Variants in ADAMTS3 observed in about 807,000 individuals in gnomAD.
ADAMTS3 encodes the protein ADAM metallopeptidase with thrombospondin type 1 motif 3, also known as A disintegrin and metalloproteinase with thrombospondin motifs 3.
Under a neutral mutation model 129.0 loss-of-function variants are expected in ADAMTS3, and 73 were observed. That is an observed-to-expected ratio of 0.57 (90% CI 0.47 to 0.69). ADAMTS3 has a LOEUF of 0.69. ADAMTS3 is among the 30% of genes least tolerant of loss of function. The pLI is 0.00. For synonymous variants in ADAMTS3, 477 were observed against 510.8 expected (o/e 0.93, Z 0.89); for missense variants, 1,457 against 1,514.5 (o/e 0.96, Z 0.63).
chr4:72,306,009 G>A lies in ADAMTS3; in HGVS notation c.2238C>T (p.Asp746=), dbSNP rs751743530. ...TACCAAGAATATGAGGAGAAGCCTCGTCTTCTTGGATTAACACATGTCTAG... is the reference window on the plus strand; with the variant it reads ...TACCAAGAATATGAGGAGAAGCCTCATCTTCTTGGATTAACACATGTCTAG... ...PGARHVLIQE[D]EASPHILAIK... The change falls in exon 16 of 22, where the codon GAC becomes GAT. Residue 746 remains aspartate (D), a synonymous_variant. Coordinates refer to ENST00000286657, the MANE Select transcript of ADAMTS3 (RefSeq NM_014243.3). 14 of 1,611,482 alleles carry A rather than the reference G, an allele frequency of 8.7e-6. No individual in the cohort carries two copies. Among genetic ancestry groups the A allele is most frequent in the East Asian group, 4.5e-5 (2 of 44,766 alleles).
chr4:72,544,726 C>T (rs534786418), intron 3 of ADAMTS3, among the ~76,000 whole-genome samples: 1 of 152,268 alleles, frequency 6.6e-6, no homozygotes, highest in African/African-American at 2.4e-5. Flanking sequence ...TCTTCAAAAA[C>T]TTACACTAGT....
chr4:72,510,702 G>A (rs936207491), intron 3 of ADAMTS3, among the ~76,000 whole-genome samples: 4 of 150,998 alleles, frequency 2.6e-5, no homozygotes, highest in African/African-American at 9.7e-5. Flanking sequence ...CAATCTATAG[G>A]TTCAATGTAA....
chr4:72,451,322 A>G (rs190719361), intron 3 of ADAMTS3, among the ~76,000 whole-genome samples: 1 of 151,910 alleles, frequency 6.6e-6, no homozygotes, highest in African/African-American at 2.4e-5. Flanking sequence ...CAGGGGAAAA[A>G]AAGTTGATAA....
rs145483827 is a variant in ADAMTS3, at chr4:72,345,899, AT to A, written c.662-6207del. Reference sequence around the variant, plus strand: ...CTCTGACTGGCAGTAAAAAACTTCTATGTCAGCGAGAATGTTTCTAACTGCA... The same window carrying A: ...CTCTGACTGGCAGTAAAAAACTTCTAGTCAGCGAGAATGTTTCTAACTGCA... On this transcript the variant is annotated intron_variant, in intron 4 of 21. Coordinates refer to ENST00000286657, the MANE Select transcript of ADAMTS3 (RefSeq NM_014243.3). 5.5e-3 allele frequency among the ~76,000 whole-genome samples: 841 copies of A among 152,240 alleles called. 8 individuals are homozygous for A. The highest frequency in any genetic ancestry group is 0.019 in the African/African-American group (800 of 41,570).
chr4:72,330,622 G>A (rs1578588078), intron 5 of ADAMTS3: 1 of 152,182 alleles, frequency 6.6e-6, no homozygotes, highest in Non-Finnish European at 1.5e-5. Context: ...CATGCAGACT[G>A]TTGCAATAAC....
chr4:72,402,895 G>A (rs11931720), intron 4 of ADAMTS3, among the ~76,000 whole-genome samples: 148,253 of 152,184 alleles, frequency 0.97, 72,355 homozygotes, highest in South Asian at 1. Context: ...GTGTTCTTAC[G>A]TTAATCAAAA....
At position 72,283,638 on chromosome 4, in the gene ADAMTS3, A is replaced by G. The variant is rs1310866518; in HGVS notation, c.3116T>C (p.Ile1039Thr). Residue 1039 changes from isoleucine to threonine, a missense_variant, in exon 22 of 22, where the codon ATA (isoleucine) becomes ACA (threonine). Transcript: ENST00000286657. ...ACAACATAACTTGTTATAACCTGGT[A>G]TGGAGCAGTATCGTGCCAACACTTC... ...QMEVLARYCS[I>T]PGYNKLCCES... is the part of the protein sequence containing the mutation. 1 of 1,613,820 alleles carries G rather than the reference A, an allele frequency of 6.2e-7. No individual in the cohort carries two copies.
chr4:72,413,966 C>A lies in ADAMTS3; in HGVS notation c.661+849G>T, dbSNP rs112161615. On this transcript the variant is annotated intron_variant, in intron 4 of 21. Transcript: ENST00000286657. ...GGGGAAGTTAGTAGCATCTGAAAAT[C>A]AAACTAATGACTAGGTAGCAAGTCT... Among the ~76,000 whole-genome samples the A allele has an allele frequency of 5.9e-3, 894 of 151,916 alleles. 15 individuals are homozygous for A. The highest frequency in any genetic ancestry group is 0.021 in the African/African-American group (856 of 41,516).
chr4:72,474,094 C>T (rs566909696), intron 3 of ADAMTS3, among the ~76,000 whole-genome samples: 3 of 152,194 alleles, frequency 2.0e-5, no homozygotes, highest in African/African-American at 7.2e-5. Context: ...CAGAAAAGGC[C>T]AGTTAAAACA....
intron 19 of ADAMTS3, 45 bp from the exon 20 acceptor site, chr4:72,291,107 T>G: frequency 1.9e-6 from 3 of 1,596,824 alleles, no homozygotes; most frequent in Non-Finnish European, 2.6e-6. Context: ...CTGGTATGTA[T>G]AGTGTACACA....
In ADAMTS3 at chr4:72,495,519, A is replaced by T. The variant is rs141346761; in HGVS notation, c.504+52959T>A. Among the ~76,000 whole-genome samples the T allele has an allele frequency of 1.9e-3, 289 of 152,308 alleles. 2 individuals are homozygous for T. Among genetic ancestry groups the T allele is most frequent in the African/African-American group, 6.7e-3 (278 of 41,578 alleles). On this transcript the variant is annotated intron_variant, in intron 3 of 21. Transcript: ENST00000286657. ...TCTGGAAGGAATGCAGGAGACACTGACTACCTTTTTACAAAGAAAAAAAGA... is the reference window on the plus strand; with the variant it reads ...TCTGGAAGGAATGCAGGAGACACTGTCTACCTTTTTACAAAGAAAAAAAGA...
rs751923787 is a variant in ADAMTS3 at position 72,548,682 on chromosome 4, T to G, written c.300A>C (p.Gln100His). The G allele has an allele frequency of 6.2e-7, 1 of 1,614,044 alleles. No individual in the cohort carries two copies. Among genetic ancestry groups the G allele is most frequent in the Admixed American group, 1.7e-5 (1 of 59,990 alleles). Residue 100 changes from glutamine to histidine, a missense_variant, in exon 3 of 22, where the codon CAA (glutamine) becomes CAC (histidine). By Grantham distance (24) the Gln-to-His change is conservative. Transcript: ENST00000286657. ...DFHLRLKPNT[Q>H]LVAPGAVVEW... Reference sequence around the variant, plus strand: ...CCACAACAGCCCCAGGAGCTACTAGTTGAGTGTTGGGCTTTAGTCGCAGAT... The same window carrying G: ...CCACAACAGCCCCAGGAGCTACTAGGTGAGTGTTGGGCTTTAGTCGCAGAT...
intron 3 of ADAMTS3, among the ~76,000 whole-genome samples, chr4:72,415,187 A>C (rs1414869409): frequency 6.6e-6 from 1 of 152,050 alleles, no homozygotes; most frequent in East Asian, 1.9e-4. Context: ...ATTCATATTA[A>C]GGTATTACGG....
chr4:72,480,294 C>T (rs1719394694), intron 3 of ADAMTS3, among the ~76,000 whole-genome samples: 1 of 152,098 alleles, frequency 6.6e-6, no homozygotes, highest in African/African-American at 2.4e-5. Context: ...TGGAACCAAC[C>T]CAAACGTCCA....
At position 72,568,816 on chromosome 4, in the gene ADAMTS3, C is replaced by CAA; in HGVS notation, c.-55_-54insTT. ...GGGCAAAGCAAATGCCCAGAGCAAA[C>CAA]CCACCCCCCCCGCCCAAAATAAGTT... On this transcript the variant is annotated 5_prime_UTR_variant, in exon 1 of 22. Transcript: ENST00000286657. The CAA allele has an allele frequency of 1.0e-6, 1 of 975,024 alleles. No homozygotes were observed. Among genetic ancestry groups the CAA allele is most frequent in the Admixed American group, 3.8e-5 (1 of 26,550 alleles). 60.4% of individuals were successfully genotyped at this position (975,024 alleles called of 1,614,324 possible). A position where few individuals can be genotyped will look rare whatever the true frequency, so the allele number is the denominator to read the frequency against.
In ADAMTS3 at chr4:72,290,910, C is replaced by T. The variant is rs746350456; in HGVS notation, c.2876G>A (p.Arg959Gln). 13 of 1,614,020 alleles carry T rather than the reference C, an allele frequency of 8.1e-6. No homozygotes were observed. The highest frequency in any genetic ancestry group is 1.1e-5 in the South Asian group (1 of 91,074). The change falls in exon 20 of 22, where the codon CGG becomes CAG. Residue 959 changes from arginine to glutamine, a missense_variant. By Grantham distance (43) the Arg-to-Gln change is conservative. Coordinates refer to ENST00000286657, the MANE Select transcript of ADAMTS3 (RefSeq NM_014243.3). ...AGGGCAGGGCACTCTGTTACAGGGC[C>T]GGCGGCTCTCGGGACGGTCACCCAT... Reference protein sequence around the residue: ...YCMGDRPESRRPCNRVPCPAQ... With the variant: ...YCMGDRPESRQPCNRVPCPAQ...
In ADAMTS3 at chr4:72,363,699, T is replaced by C. The variant is rs571808461; in HGVS notation, c.662-24006A>G. On this transcript the variant is annotated intron_variant, in intron 4 of 21. Transcript: ENST00000286657. ...ACCTGTAAACAGTAGTGAAAGAATA[T>C]ACTTTCAATAAGCAATAGAAGGCCT... is the stretch of plus-strand genomic sequence containing the variant. 3.0e-4 allele frequency among the ~76,000 whole-genome samples: 46 copies of C among 151,672 alleles called. No individual in the cohort carries two copies. The South Asian group carries it at 7.3e-3, about 24-fold the overall frequency.
rs778428624 is a variant in ADAMTS3, at chr4:72,315,843, A to C, written c.1599+15T>G. 2 of 1,492,504 alleles carry C rather than the reference A, an allele frequency of 1.3e-6. No homozygotes were observed. Among genetic ancestry groups the C allele is most frequent in the South Asian group, 1.2e-5 (1 of 86,640 alleles). 92.5% of individuals were successfully genotyped at this position (1,492,504 alleles called of 1,614,324 possible). A position where few individuals can be genotyped will look rare whatever the true frequency, so the allele number is the denominator to read the frequency against. On this transcript the variant is annotated intron_variant, in intron 11 of 21. Coordinates refer to ENST00000286657, the MANE Select transcript of ADAMTS3 (RefSeq NM_014243.3). The stretch of plus-strand genomic sequence containing the variant: ...ACATATCTTACATATTTATTGTGTA[A>C]ATAGATATACTCACTTTTCCAGCAG...
chr4:72,396,774 T>C (rs1721736430), intron 4 of ADAMTS3, among the ~76,000 whole-genome samples: 3 of 152,234 alleles, frequency 2.0e-5, no homozygotes, highest in African/African-American at 7.2e-5. Context: ...CTAAGTAATA[T>C]ATATAAAACA....
Sources: allele counts gnomAD v4.1 joint callset (sites outside exome capture counted in the v4.1 genomes callset), GRCh38; gene constraint gnomAD v4.1.1; transcripts MANE v1.5; gene names NCBI Gene and HGNC (gene_info 2026-07-23, HGNC 2026-07-21).